The following DCLK2 variants were observed in gnomAD, a reference collection of about 807,000 sequenced individuals.
The protein encoded by DCLK2 is doublecortin like kinase 2, also known as serine/threonine-protein kinase DCLK2.
A neutral mutation model predicts 78.4 loss-of-function variants in DCLK2; 31 were observed. The observed-to-expected ratio is 0.40, with a 90% CI of 0.30 to 0.53. DCLK2 has a LOEUF of 0.53. DCLK2 is among the 20% of genes least tolerant of loss of function. DCLK2 has a pLI of 0.61. For synonymous variants in DCLK2, 407 were observed against 374.9 expected (o/e 1.09, Z -0.99); for missense variants, 872 against 973.7 (o/e 0.90, Z 1.39).
At chr4:150,110,102 G>C (rs1731558996) in intron 2 of DCLK2, among the ~76,000 whole-genome samples, 1 of 152,136 alleles carries the variant, frequency 6.6e-6, no homozygotes, top group East Asian at 1.9e-4. Flanking sequence ...AATCCTGTCA[G>C]TTGCAAATTA....
intron 2 of DCLK2, among the ~76,000 whole-genome samples, chr4:150,190,034 CAA>C (rs71596222): frequency 3.8e-5 from 1 of 26,228 alleles, no homozygotes; most frequent in Non-Finnish European, 8.0e-5. Context: ...GACCCTGTCT[CAA>C]AAAAAAAAAA....
At chr4:150,138,993 TAA>T (rs148410999) in intron 2 of DCLK2, among the ~76,000 whole-genome samples, 7,743 of 145,888 alleles carry the variant, frequency 0.053, 335 homozygotes, top group African/African-American at 0.13. Flanking sequence ...TTTTTAAATT[TAA>T]AAAAAAAAAA....
intron 15 of DCLK2, chr4:150,253,736 A>T: frequency 2.0e-6 from 2 of 985,446 alleles, no homozygotes; most frequent in Non-Finnish European, 2.4e-6. Context: ...TTTATTTTCA[A>T]ACTTCTCAGC....
chr4:150,205,281 A>G (rs1739768621), intron 5 of DCLK2, among the ~76,000 whole-genome samples: 1 of 152,166 alleles, frequency 6.6e-6, no homozygotes, highest in African/African-American at 2.4e-5. Flanking sequence ...AATTGACTGT[A>G]AGGTTTGCTT....
At chr4:150,107,127 G>A (rs1258731377) in intron 2 of DCLK2, among the ~76,000 whole-genome samples, 1 of 152,154 alleles carries the variant, frequency 6.6e-6, no homozygotes, top group Admixed American at 6.5e-5. Flanking sequence ...GGACAGCCAC[G>A]ACATCATCCT....
intron 2 of DCLK2, among the ~76,000 whole-genome samples, chr4:150,184,880 C>T (rs1425370809): frequency 3.9e-5 from 6 of 152,134 alleles, no homozygotes; most frequent in Admixed American, 3.9e-4. Context: ...GGATTACAGG[C>T]GTGAGCCTCC....
In DCLK2 at chr4:150,221,667, C is replaced by A; in HGVS notation, c.1133-10C>A. 1.9e-6 allele frequency: 3 copies of A among 1,569,602 alleles called. No individual in the cohort carries two copies. The highest frequency in any genetic ancestry group is 1.2e-5 in the South Asian group (1 of 82,556). On this transcript the variant is annotated splice_polypyrimidine_tract_variant and intron_variant, in intron 6 of 15. Transcript: ENST00000296550. ...GTTTTCTTTAGAATTTGCATTTATC[C>A]TTTTTGCAGGTGTGAATGGAAACAG...
intron 2 of DCLK2, among the ~76,000 whole-genome samples, chr4:150,141,337 T>A (rs915928972): frequency 2.0e-5 from 3 of 152,192 alleles, no homozygotes; most frequent in African/African-American, 7.2e-5. Flanking sequence ...AAAACTCAGT[T>A]CGTTTCTGCC....
At chr4:150,093,506 C>T (rs919553445) in intron 1 of DCLK2, among the ~76,000 whole-genome samples, 5 of 152,302 alleles carry the variant, frequency 3.3e-5, no homozygotes, top group African/African-American at 4.8e-5. Context: ...CTCAGTCTCA[C>T]GAGTAGCTGG....
intron 2 of DCLK2, among the ~76,000 whole-genome samples, chr4:150,107,835 G>A (rs772160070): frequency 6.6e-6 from 1 of 152,174 alleles, no homozygotes; most frequent in Non-Finnish European, 1.5e-5. Context: ...GCTGGGCATG[G>A]TGATGTTTGC....
chr4:150,210,570 C>T (rs947608015), intron 5 of DCLK2, among the ~76,000 whole-genome samples: 2 of 151,872 alleles, frequency 1.3e-5, no homozygotes, highest in Admixed American at 6.6e-5. Flanking sequence ...ATCTGGGAGG[C>T]GGAGGTTGCA....
intron 2 of DCLK2, among the ~76,000 whole-genome samples, chr4:150,182,989 G>T (rs766329768): frequency 3.3e-5 from 5 of 151,532 alleles, no homozygotes; most frequent in Non-Finnish European, 5.9e-5. Flanking sequence ...ACCACCAACC[G>T]CCCCCACCAC....
At chr4:150,249,228 C>T (rs573690784) in intron 14 of DCLK2, among the ~76,000 whole-genome samples, 10 of 152,088 alleles carry the variant, frequency 6.6e-5, no homozygotes, top group African/African-American at 2.2e-4. Flanking sequence ...TTGATGCTTC[C>T]ATGGGAGGGA....
chr4:150,107,302 G>T (rs1731327764), intron 2 of DCLK2, among the ~76,000 whole-genome samples: 1 of 151,132 alleles, frequency 6.6e-6, no homozygotes, highest in Non-Finnish European at 1.5e-5. Context: ...TAGTCTCTCT[G>T]TCTATTTCTT....
At chr4:150,146,625 T>C (rs1034022338) in intron 2 of DCLK2, among the ~76,000 whole-genome samples, 12 of 152,204 alleles carry the variant, frequency 7.9e-5, no homozygotes, top group African/African-American at 2.9e-4. Flanking sequence ...GTTGCATCCC[T>C]AGTAAAGGGC....
intron 2 of DCLK2, among the ~76,000 whole-genome samples, chr4:150,112,561 G>A (rs1470972764): frequency 6.6e-6 from 1 of 152,096 alleles, no homozygotes; most frequent in Non-Finnish European, 1.5e-5. Context: ...CTGTGGGTTT[G>A]TCTGATAATG....
At chr4:150,168,494 C>T (rs1736270963) in intron 2 of DCLK2, among the ~76,000 whole-genome samples, 1 of 152,134 alleles carries the variant, frequency 6.6e-6, no homozygotes, top group South Asian at 2.1e-4. Context: ...CAAAACTTGC[C>T]TTGGTCTCTC....
chr4:150,232,371 G>T lies in DCLK2; in HGVS notation c.1334G>T (p.Arg445Leu). 6.2e-7 allele frequency: 1 copy of T among 1,614,122 alleles called. No homozygotes were observed. Among genetic ancestry groups the T allele is most frequent in the Non-Finnish European group, 8.5e-7 (1 of 1,179,992 alleles). ...HLIENEVSIL[R>L]RVKHPNIIML... ...ATTGAGAATGAAGTGTCAATACTGC[G>T]CCGAGTGAAACATCCCAATATCATT... Residue 445 changes from arginine to leucine, a missense_variant, in exon 9 of 16, where the codon CGC becomes CTC. Coordinates refer to ENST00000296550, the MANE Select transcript of DCLK2 (RefSeq NM_001040260.4).
chr4:150,153,382 C>G (rs575672734), intron 2 of DCLK2, among the ~76,000 whole-genome samples: 16 of 151,920 alleles, frequency 1.1e-4, no homozygotes, highest in Non-Finnish European at 2.1e-4. Flanking sequence ...GCCTTGATCC[C>G]TATTTGTGCA....
Sources: allele counts gnomAD v4.1 joint callset (sites outside exome capture counted in the v4.1 genomes callset), GRCh38; gene constraint gnomAD v4.1.1; transcripts MANE v1.5; gene names NCBI Gene and HGNC (gene_info 2026-07-23, HGNC 2026-07-21).